Variants in CHD9 observed in about 807,000 individuals in gnomAD.
The protein encoded by CHD9 is ATP-dependent chromatin remodeler CHD9.
A neutral mutation model predicts 316.1 loss-of-function variants in CHD9; 77 were observed. The observed-to-expected ratio is 0.24, with a 90% CI of 0.20 to 0.29. The LOEUF is 0.29. Ranked by LOEUF, CHD9 falls within the 10% of genes least tolerant of loss-of-function variation. The probability of loss-of-function intolerance (pLI) is 1.00; values close to 1 mark genes in which losing one functional copy is unlikely to be tolerated. For missense variants in CHD9, 2,763 were observed against 3,438.1 expected (o/e 0.80, Z 4.91); for synonymous variants, 1,129 against 1,158.3 (o/e 0.97, Z 0.51).
At chr16:53,269,266 C>T (rs1483023562) in intron 22 of CHD9, among the ~76,000 whole-genome samples, 2 of 151,812 alleles carry the variant, frequency 1.3e-5, no homozygotes, top group African/African-American at 4.8e-5. Flanking sequence ...ATTGAATTTC[C>T]AGTAAAAAAT....
intron 11 of CHD9, among the ~76,000 whole-genome samples, chr16:53,235,608 C>A (rs1300666554): frequency 6.6e-6 from 1 of 152,042 alleles, no homozygotes; most frequent in Non-Finnish European, 1.5e-5. Flanking sequence ...GCTTATCAAC[C>A]CGTACTACTG....
At chr16:53,259,706 A>G (rs1345029537) in intron 19 of CHD9, among the ~76,000 whole-genome samples, 1 of 151,970 alleles carries the variant, frequency 6.6e-6, no homozygotes, top group Non-Finnish European at 1.5e-5. Flanking sequence ...TAGAGATGGG[A>G]GTCTTACTTT....
At chr16:53,225,377 T>C (rs2047566886) in intron 4 of CHD9, among the ~76,000 whole-genome samples, 1 of 152,206 alleles carries the variant, frequency 6.6e-6, no homozygotes, top group Non-Finnish European at 1.5e-5. Flanking sequence ...GAAATGTCTC[T>C]ACCCCATGAG....
At chr16:53,220,260 T>A (rs2047127068) in intron 3 of CHD9, among the ~76,000 whole-genome samples, 1 of 152,196 alleles carries the variant, frequency 6.6e-6, no homozygotes, top group Non-Finnish European at 1.5e-5. Context: ...TTCAGAACAG[T>A]GGCGGGTGAG....
intron 1 of CHD9, among the ~76,000 whole-genome samples, chr16:53,114,519 A>G (rs1460698198): frequency 6.6e-6 from 1 of 152,078 alleles, no homozygotes; most frequent in Non-Finnish European, 1.5e-5. Context: ...TGGCCTCCCA[A>G]AGTGCTGGGA....
intron 2 of CHD9, among the ~76,000 whole-genome samples, chr16:53,179,014 C>A (rs112793706): frequency 1.3e-5 from 2 of 151,266 alleles, no homozygotes; most frequent in African/African-American, 2.5e-5. Flanking sequence ...CATAGCGAGA[C>A]CCTGTTTCTA....
chr16:53,217,742 C>G (rs1443439288), intron 3 of CHD9, among the ~76,000 whole-genome samples: 2 of 151,990 alleles, frequency 1.3e-5, no homozygotes, highest in Non-Finnish European at 2.9e-5. Flanking sequence ...AAATCTCTCT[C>G]TCTAGATAGA....
At chr16:53,288,078 T>C (rs2054033431) in intron 27 of CHD9, 64 bp downstream of exon 27, 3 of 1,230,688 alleles carry the variant, frequency 2.4e-6, no homozygotes, top group Non-Finnish European at 3.6e-6. Flanking sequence ...TTGTGTTTGC[T>C]TTTTCTTTTG....
At position 53,088,976 on chromosome 16, in the gene CHD9, G is replaced by T. The variant is rs558462662; in HGVS notation, c.-165+33899G>T. Among the ~76,000 whole-genome samples, 135 of 152,200 alleles carry T rather than the reference G, an allele frequency of 8.9e-4. 1 individual carries two copies. The highest frequency in any genetic ancestry group is 1.5e-3 in the Non-Finnish European group (105 of 68,000). ...AAAATACAAAAATTAGCTGAGCATG[G>T]TGATGCGTGCCTGTAGTCCCAGCTA... On this transcript the variant is annotated intron_variant, in intron 1 of 38. Coordinates refer to ENST00000447540, the MANE Select transcript of CHD9 (RefSeq NM_001308319.2).
chr16:53,319,052 A>G (rs948269107), intron 37 of CHD9, among the ~76,000 whole-genome samples: 2 of 152,218 alleles, frequency 1.3e-5, no homozygotes, highest in South Asian at 2.1e-4. Flanking sequence ...TTTTTCAGAA[A>G]TAGACTTACA....
intron 1 of CHD9, among the ~76,000 whole-genome samples, chr16:53,091,020 C>T (rs1449236805): frequency 6.6e-6 from 1 of 152,034 alleles, no homozygotes; most frequent in African/African-American, 2.4e-5. Context: ...CGACTGACCG[C>T]GGTGAGGCTC....
At chr16:53,174,994 C>CT (rs1199803386) in intron 2 of CHD9, among the ~76,000 whole-genome samples, 6 of 152,100 alleles carry the variant, frequency 3.9e-5, no homozygotes, top group Non-Finnish European at 5.9e-5. Context: ...CACTTTTAAG[C>CT]TTTTTTAGCC....
chr16:53,249,832 A>C, intron 16 of CHD9, 39 bp from the exon 17 acceptor site: 2 of 1,456,534 alleles, frequency 1.4e-6, no homozygotes, highest in Non-Finnish European at 1.9e-6. Context: ...CAGTTTTATT[A>C]TACTTATTTA....
At chr16:53,217,825 C>T (rs915871127) in intron 3 of CHD9, among the ~76,000 whole-genome samples, 2 of 151,990 alleles carry the variant, frequency 1.3e-5, no homozygotes, top group Non-Finnish European at 2.9e-5. Context: ...AGGCTGGCCT[C>T]GAACTCCTAG....
chr16:53,324,980 T>A lies in CHD9; in HGVS notation c.*85T>A. 8.7e-7 allele frequency: 1 copy of A among 1,142,918 alleles called. No individual in the cohort carries two copies. Among genetic ancestry groups the A allele is most frequent in the Non-Finnish European group, 1.2e-6 (1 of 825,668 alleles). The allele number at this position is 1,142,918 out of a possible 1,614,324, so 70.8% of individuals were successfully genotyped here. A position where few individuals can be genotyped will look rare whatever the true frequency, so the allele number is the denominator to read the frequency against. On this transcript the variant is annotated 3_prime_UTR_variant, in exon 39 of 39. Transcript: ENST00000447540. The stretch of plus-strand genomic sequence containing the variant: ...TGTAAATACCCCAGTGTTGAGTGCA[T>A]CAATAACTTACTGACCGAACATTTC...
intron 1 of CHD9, chr16:53,099,405 G>C (rs1033374767): frequency 6.6e-6 from 1 of 152,424 alleles, no homozygotes. Flanking sequence ...GGAGTGATGA[G>C]CGTTCGGTTA....
chr16:53,111,284 G>A (rs1479600334), intron 1 of CHD9, among the ~76,000 whole-genome samples: 2 of 152,182 alleles, frequency 1.3e-5, no homozygotes. Context: ...GCTGGGGAGG[G>A]TCGGGGAATC....
At chr16:53,067,901 A>G (rs959343084) in intron 1 of CHD9, among the ~76,000 whole-genome samples, 1 of 147,154 alleles carries the variant, frequency 6.8e-6, no homozygotes, top group Admixed American at 6.6e-5. Flanking sequence ...ACTCCACAGG[A>G]AAAAAAAATT....
chr16:53,235,971 C>G (rs1355192192), intron 11 of CHD9, among the ~76,000 whole-genome samples: 1 of 152,052 alleles, frequency 6.6e-6, no homozygotes, highest in Non-Finnish European at 1.5e-5. Flanking sequence ...TACTTTTATT[C>G]AGAATCATTT....
Sources: allele counts gnomAD v4.1 joint callset (sites outside exome capture counted in the v4.1 genomes callset), GRCh38; gene constraint gnomAD v4.1.1; transcripts MANE v1.5; gene names NCBI Gene and HGNC (gene_info 2026-07-23, HGNC 2026-07-21).